Variants in NAP1L1 observed in about 807,000 individuals in gnomAD.
The protein encoded by NAP1L1 is nucleosome assembly protein 1-like 1.
A neutral mutation model predicts 58.9 loss-of-function variants in NAP1L1; 9 were observed. The ratio of observed to expected loss-of-function variants is 0.15; its 90% CI spans 0.09 to 0.27. The LOEUF (loss-of-function observed/expected upper bound fraction) is 0.27. Ranked by LOEUF, NAP1L1 falls within the 10% of genes least tolerant of loss-of-function variation. The pLI is 1.00. For missense variants in NAP1L1, 302 were observed against 458.8 expected (o/e 0.66, Z 3.12); for synonymous variants, 130 against 138.3 (o/e 0.94, Z 0.42).
rs1016281519 is a variant in NAP1L1 at position 76,037,803 on chromosome 12, A to G, written c.*10626T>C. 3 of 152,162 alleles carry G rather than the reference A, an allele frequency of 2.0e-5. No individual in the cohort carries two copies. Among genetic ancestry groups the G allele is most frequent in the Admixed American group, 2.0e-4 (3 of 15,274 alleles). The allele number at this position is 152,162 out of a possible 1,614,324, so 9.4% of individuals were successfully genotyped here. A position where few individuals can be genotyped will look rare whatever the true frequency, so the allele number is the denominator to read the frequency against. ...TTCAAACTCTGATGAGTAGTTATCC[A>G]ATTTTCACGTCTACTTCACTAAATA... On this transcript the variant is annotated 3_prime_UTR_variant, in exon 15 of 15. Coordinates refer to ENST00000618691, the MANE Select transcript of NAP1L1 (RefSeq NM_004537.7).
chr12:76,079,300 A>T (rs1950311338), intron 1 of NAP1L1, among the ~76,000 whole-genome samples: 1 of 152,160 alleles, frequency 6.6e-6, no homozygotes, highest in South Asian at 2.1e-4. Flanking sequence ...CTGGGGCAGG[A>T]GGATCGCTTG....
chr12:76,068,881 T>C, intron 3 of NAP1L1, 28 bp downstream of exon 3: 1 of 1,531,276 alleles, frequency 6.5e-7, no homozygotes, highest in South Asian at 1.1e-5. Flanking sequence ...CAGCAATCAC[T>C]GGCTCCTGAA....
At chr12:76,056,565 A>T (rs1254416875) in intron 6 of NAP1L1, 1 of 451,800 alleles carries the variant, frequency 2.2e-6, no homozygotes, top group South Asian at 1.6e-5. Flanking sequence ...GAGAGGTGGA[A>T]CACTTAACAC....
At chr12:76,072,217 G>T (rs559197180) in intron 2 of NAP1L1, among the ~76,000 whole-genome samples, 1 of 145,876 alleles carries the variant, frequency 6.9e-6, no homozygotes, top group African/African-American at 2.5e-5. Flanking sequence ...GAAAGAAAAT[G>T]TAAGAGCAAA....
At chr12:76,058,188 G>A in intron 6 of NAP1L1, 1 of 429,104 alleles carries the variant, frequency 2.3e-6, no homozygotes, top group Non-Finnish European at 4.2e-6. Context: ...AAGGGAGAGA[G>A]GCCTACATAT....
intron 1 of NAP1L1, 145 bp from the exon 2 acceptor site, chr12:76,074,384 G>GA (rs902251358): frequency 1.6e-5 from 21 of 1,315,214 alleles, no homozygotes; most frequent in East Asian, 3.0e-5. Flanking sequence ...GTGTTAAGAA[G>GA]AAAAAACTCA....
intron 11 of NAP1L1, 67 bp from the exon 12 acceptor site, chr12:76,050,720 A>G: frequency 6.6e-7 from 1 of 1,522,640 alleles, no homozygotes; most frequent in Non-Finnish European, 8.9e-7. Context: ...TGGCACATGT[A>G]AGACTCTTAG....
At position 76,053,236 on chromosome 12, in the gene NAP1L1, G is replaced by A. The variant is rs1014648625; in HGVS notation, c.885C>T (p.Asp295=). Residue 295 remains aspartate (D), a synonymous_variant, in exon 10 of 15, where the codon GAC becomes GAT. Transcript: ENST00000618691. ...VRTVTKTVSN[D]SFFNFFAPPE... The stretch of plus-strand genomic sequence containing the variant: ...GAGGGGCAAAAAAGTTAAAGAAAGA[G>A]TCATTGGAAACTGTTTTAGTCACAG... 2 of 1,613,978 alleles carry A rather than the reference G, an allele frequency of 1.2e-6. No individual in the cohort carries two copies. Among genetic ancestry groups the A allele is most frequent in the Non-Finnish European group, 1.7e-6 (2 of 1,179,938 alleles).
chr12:76,057,424 A>G, intron 6 of NAP1L1: 1 of 536,088 alleles, frequency 1.9e-6, no homozygotes, highest in Non-Finnish European at 3.4e-6. Context: ...TAAAAATACA[A>G]CTGATGCTCT....
intron 2 of NAP1L1, among the ~76,000 whole-genome samples, chr12:76,071,617 A>T (rs1275612863): frequency 6.6e-6 from 1 of 152,190 alleles, no homozygotes; most frequent in Non-Finnish European, 1.5e-5. Flanking sequence ...GAAGCAGCCC[A>T]ATCAGTCTTC....
chr12:76,055,173 A>C (rs1949024736), intron 7 of NAP1L1, 83 bp from the exon 8 acceptor site: 1 of 890,210 alleles, frequency 1.1e-6, no homozygotes, highest in African/African-American at 1.7e-5. Context: ...CAGCTGACTG[A>C]GACATAATAT....
rs1483056480 is a variant in NAP1L1 at position 76,045,320 on chromosome 12, CCAAAG to C, written c.*3104_*3108del. 6.6e-6 allele frequency: 1 copy of C among 151,956 alleles called. No homozygotes were observed. The highest frequency in any genetic ancestry group is 2.4e-5 in the African/African-American group (1 of 41,400). 9.4% of individuals were successfully genotyped at this position (151,956 alleles called of 1,614,324 possible). A position where few individuals can be genotyped will look rare whatever the true frequency, so the allele number is the denominator to read the frequency against. On this transcript the variant is annotated 3_prime_UTR_variant, in exon 15 of 15. Coordinates refer to ENST00000618691, the MANE Select transcript of NAP1L1 (RefSeq NM_004537.7). ...TCCAATTTTAAACCAATCCCTGAAA[CCAAAG>C]CATTCAAATATTTGAATATTAGTTC...
chr12:76,054,673 G>C (rs1255263858), intron 8 of NAP1L1, among the ~76,000 whole-genome samples: 1 of 152,194 alleles, frequency 6.6e-6, no homozygotes, highest in Non-Finnish European at 1.5e-5. Flanking sequence ...TTGGTGGACA[G>C]CTTGTTGGCT....
chr12:76,056,144 CT>C lies in NAP1L1; in HGVS notation c.446del (p.Lys149ArgfsTer24), dbSNP rs2136988667. The part of the protein sequence containing the change: ...EDEISEELKE[K>X]AKIEDEKKDE... ...CTTTTTTCTCATCTTCAATCTTGGCCTTTTCTTTCAATTCCTCCTTGATTAA... is the reference window on the plus strand; with the variant it reads ...CTTTTTTCTCATCTTCAATCTTGGCCTTTCTTTCAATTCCTCCTTGATTAA... On this transcript the variant is annotated frameshift_variant, in exon 7 of 15. Coordinates refer to ENST00000618691, the MANE Select transcript of NAP1L1 (RefSeq NM_004537.7). LOFTEE classifies it high-confidence loss of function. The C allele has an allele frequency of 6.2e-7, 1 of 1,611,216 alleles. No individual in the cohort carries two copies.
intron 3 of NAP1L1, among the ~76,000 whole-genome samples, chr12:76,068,037 C>T (rs918099520): frequency 2.0e-4 from 30 of 152,270 alleles, no homozygotes; most frequent in Non-Finnish European, 3.7e-4. Flanking sequence ...TTTTTAAAAA[C>T]ATACTCAATC....
intron 4 of NAP1L1, among the ~76,000 whole-genome samples, chr12:76,066,445 T>C (rs939064783): frequency 6.6e-6 from 1 of 151,932 alleles, no homozygotes; most frequent in Admixed American, 6.6e-5. Context: ...GGAATAACAT[T>C]TGGAATACAA....
chr12:76,055,044 T>G lies in NAP1L1; in HGVS notation c.605A>C (p.Lys202Thr). The G allele has an allele frequency of 6.2e-7, 1 of 1,607,060 alleles. No homozygotes were observed. The highest frequency in any genetic ancestry group is 8.5e-7 in the Non-Finnish European group (1 of 1,177,726). ...CATAGGCTGGCCAGCATCTGAGAAC[T>G]TCACTTTAATATCTTTCAAGTGCTT... ...ILKHLKDIKV[K>T]FSDAGQPMSF... Residue 202 changes from lysine (K) to threonine (T), a missense_variant, in exon 8 of 15, where the codon AAG becomes ACG. By Grantham distance (78) the Lys-to-Thr change is moderately conservative (BLOSUM62 -1). Transcript: ENST00000618691.
chr12:76,049,165 T>C (rs1311594154), intron 14 of NAP1L1, 35 bp downstream of exon 14: 1 of 1,577,754 alleles, frequency 6.3e-7, no homozygotes, highest in Non-Finnish European at 8.7e-7. Context: ...TTAGCTATCT[T>C]AAATTTAATA....
Position 76,039,302 on chromosome 12 carries a change from CTGTACCTTGA to C in NAP1L1, c.*9117_*9126del, listed in dbSNP as rs897626171. The C allele has an allele frequency of 8.5e-5, 13 of 152,148 alleles. No homozygotes were observed. The highest frequency in any genetic ancestry group is 3.1e-4 in the African/African-American group (13 of 41,434). 9.4% of individuals were successfully genotyped at this position (152,148 alleles called of 1,614,324 possible). ...AGCCTTTAGCCTCCTTCAGCCCATCCTGTACCTTGAACCTGGACATGATGTATAGAGCCCC... is the reference window on the plus strand; with the variant it reads ...AGCCTTTAGCCTCCTTCAGCCCATCCACCTGGACATGATGTATAGAGCCCC... On this transcript the variant is annotated 3_prime_UTR_variant, in exon 15 of 15. Transcript: ENST00000618691.
Sources: gnomAD v4.1 joint callset for allele counts (sites outside exome capture counted in the v4.1 genomes callset) on GRCh38, gnomAD v4.1.1 for gene constraint, MANE v1.5 for transcripts, NCBI Gene and HGNC (gene_info 2026-07-23, HGNC 2026-07-21) for gene names.